Variants in MAGI2 observed in about 807,000 individuals in gnomAD.
MAGI2 encodes membrane-associated guanylate kinase, WW and PDZ domain-containing protein 2.
MAGI2 carries 35 observed loss-of-function variants against 133.3 expected under a neutral mutation model. That is an observed-to-expected ratio of 0.26 (90% CI 0.20 to 0.35). The LOEUF is 0.35. Ranked by LOEUF, MAGI2 falls within the 10% of genes least tolerant of loss-of-function variation. The probability of loss-of-function intolerance (pLI) is 1.00; values close to 1 mark genes in which losing one functional copy is unlikely to be tolerated. For synonymous variants in MAGI2, 729 were observed against 710.6 expected (o/e 1.03, Z -0.41); for missense variants, 1,636 against 1,863.4 (o/e 0.88, Z 2.25).
chr7:78,500,504 G>A (rs944688368), intron 5 of MAGI2, among the ~76,000 whole-genome samples: 1 of 152,108 alleles, frequency 6.6e-6, no homozygotes, highest in Non-Finnish European at 1.5e-5. Flanking sequence ...TTTGTGCGAA[G>A]ATTTTCTATT....
At chr7:79,046,176 A>T (rs977349040) in intron 1 of MAGI2, among the ~76,000 whole-genome samples, 1 of 152,198 alleles carries the variant, frequency 6.6e-6, no homozygotes, top group Non-Finnish European at 1.5e-5. Flanking sequence ...TCAAATTTCT[A>T]TGATGACGTC....
At chr7:79,181,775 C>T (rs544913441) in intron 1 of MAGI2, among the ~76,000 whole-genome samples, 1 of 152,102 alleles carries the variant, frequency 6.6e-6, no homozygotes, top group South Asian at 2.1e-4. Context: ...AACTGAATGC[C>T]TTTAACAGCA....
At chr7:78,520,750 A>G (rs936197663) in intron 4 of MAGI2, among the ~76,000 whole-genome samples, 1 of 151,874 alleles carries the variant, frequency 6.6e-6, no homozygotes, top group African/African-American at 2.4e-5. Flanking sequence ...GCACAAGCAC[A>G]TTTTATATTT....
At chr7:78,701,081 A>T (rs991628608) in intron 2 of MAGI2, among the ~76,000 whole-genome samples, 2 of 151,676 alleles carry the variant, frequency 1.3e-5, no homozygotes, top group African/African-American at 4.8e-5. Context: ...GGAGACTGAT[A>T]AAAATCCATG....
At chr7:78,490,691 A>T (rs1257241348) in intron 5 of MAGI2, among the ~76,000 whole-genome samples, 1 of 152,136 alleles carries the variant, frequency 6.6e-6, no homozygotes, top group Non-Finnish European at 1.5e-5. Flanking sequence ...CACAATCTCC[A>T]TCACTGGCAA....
intron 3 of MAGI2, among the ~76,000 whole-genome samples, chr7:78,573,072 TATATACAC>T (rs1327609050): frequency 1.3e-5 from 1 of 78,504 alleles, no homozygotes; most frequent in Non-Finnish European, 2.3e-5. Context: ...TATATATATA[TATATACAC>T]ACACACACAC....
At chr7:78,613,348 A>G (rs1452367495) in intron 3 of MAGI2, among the ~76,000 whole-genome samples, 2 of 152,348 alleles carry the variant, frequency 1.3e-5, no homozygotes, top group East Asian at 3.9e-4. Flanking sequence ...TGGGTACATT[A>G]GTAAATGTCA....
At position 78,508,581 on chromosome 7, in the gene MAGI2, C is replaced by T. The variant is rs73376222; in HGVS notation, c.755-6794G>A. 4.5e-3 allele frequency among the ~76,000 whole-genome samples: 678 copies of T among 152,324 alleles called. 3 individuals carry two copies. The highest frequency in any genetic ancestry group is 6.4e-3 in the African/African-American group (266 of 41,582). ...GGGAGGGAAATAACCAGACCTTACACGCCAACCAAGCTTGCCTGTGTCAGC... is the reference window on the plus strand; with the variant it reads ...GGGAGGGAAATAACCAGACCTTACATGCCAACCAAGCTTGCCTGTGTCAGC... On this transcript the variant is annotated intron_variant, in intron 4 of 21. Coordinates refer to ENST00000354212, the MANE Select transcript of MAGI2 (RefSeq NM_012301.4).
intron 3 of MAGI2, among the ~76,000 whole-genome samples, chr7:78,543,824 T>C (rs1480239565): frequency 6.6e-6 from 1 of 152,270 alleles, no homozygotes; most frequent in Non-Finnish European, 1.5e-5. Flanking sequence ...TGATACAGAA[T>C]ATTAATATGA....
At chr7:78,440,718 A>G (rs1426613608) in intron 6 of MAGI2, among the ~76,000 whole-genome samples, 1 of 152,112 alleles carries the variant, frequency 6.6e-6, no homozygotes, top group East Asian at 1.9e-4. Context: ...TTGGGAGGCC[A>G]GGGAGGGTAG....
intron 2 of MAGI2, among the ~76,000 whole-genome samples, chr7:78,893,072 T>A (rs1038683093): frequency 5.2e-4 from 79 of 151,886 alleles, no homozygotes; most frequent in African/African-American, 1.8e-3. Context: ...GGGCAAAGGA[T>A]ATGAACAGAC....
At chr7:78,422,082 G>A (rs772884383) in intron 6 of MAGI2, among the ~76,000 whole-genome samples, 3 of 152,120 alleles carry the variant, frequency 2.0e-5, no homozygotes, top group African/African-American at 4.8e-5. Flanking sequence ...TCTCAAGCAG[G>A]TCCTGGTAGT....
At chr7:78,720,834 A>T (rs937496429) in intron 2 of MAGI2, among the ~76,000 whole-genome samples, 1 of 152,124 alleles carries the variant, frequency 6.6e-6, no homozygotes, top group Admixed American at 6.5e-5. Flanking sequence ...CAAATAGACA[A>T]CCCTTGGATC....
At chr7:78,475,409 G>C (rs758042099) in intron 6 of MAGI2, among the ~76,000 whole-genome samples, 4 of 151,946 alleles carry the variant, frequency 2.6e-5, no homozygotes, top group Non-Finnish European at 5.9e-5. Context: ...GCAGTTTTAA[G>C]AGAACATATT....
At chr7:78,454,478 A>G (rs918866833) in intron 6 of MAGI2, among the ~76,000 whole-genome samples, 13 of 152,268 alleles carry the variant, frequency 8.5e-5, no homozygotes, top group African/African-American at 2.9e-4. Context: ...AGGAATGCAA[A>G]ATTGTACAGC....
chr7:78,965,538 A>T (rs1473418733), intron 2 of MAGI2, among the ~76,000 whole-genome samples: 1 of 151,990 alleles, frequency 6.6e-6, no homozygotes, highest in Non-Finnish European at 1.5e-5. Flanking sequence ...ACATTTCGTT[A>T]GCCTAGAGAT....
At chr7:78,555,211 TAGATAGATAGA>T (rs779614818) in intron 3 of MAGI2, among the ~76,000 whole-genome samples, 12,413 of 147,584 alleles carry the variant, frequency 0.084, 615 homozygotes, top group African/African-American at 0.1. Context: ...GATAGATAGA[TAGATAGATAGA>T]CAGATAGATA....
At chr7:78,195,194 T>C in intron 11 of MAGI2, 131 bp from the exon 12 acceptor site, 1 of 640,750 alleles carries the variant, frequency 1.6e-6, no homozygotes, top group South Asian at 2.7e-5. Context: ...TTGGCATAAA[T>C]TCCTTGAAAG....
At chr7:79,279,726 CTAAG>C (rs1381912522) in intron 1 of MAGI2, among the ~76,000 whole-genome samples, 1 of 152,180 alleles carries the variant, frequency 6.6e-6, no homozygotes, top group Non-Finnish European at 1.5e-5. Context: ...GTTTTTCTCA[CTAAG>C]TAAGTCAATA....
Sources: allele counts gnomAD v4.1 joint callset (sites outside exome capture counted in the v4.1 genomes callset), GRCh38; gene constraint gnomAD v4.1.1; transcripts MANE v1.5; gene names NCBI Gene and HGNC (gene_info 2026-07-23, HGNC 2026-07-21).